PLCB1: variants seen among roughly 807,000 people sequenced by gnomAD.
PLCB1 encodes the protein phospholipase C beta 1, also known as 1-phosphatidylinositol 4,5-bisphosphate phosphodiesterase beta-1.
Under a neutral mutation model 161.8 loss-of-function variants are expected in PLCB1, and 46 were observed. The ratio of observed to expected loss-of-function variants is 0.28; its 90% CI spans 0.22 to 0.36. The LOEUF is 0.36. Among genes scored for constraint, PLCB1 ranks in the 10% least tolerant of loss-of-function variants. PLCB1 has a pLI of 1.00. For missense variants in PLCB1, 1,016 were observed against 1,472.5 expected (o/e 0.69, Z 5.07); for synonymous variants, 517 against 503.7 (o/e 1.03, Z -0.35).
chr20:8,649,500 C>T lies in PLCB1; in HGVS notation c.594+51C>T, dbSNP rs777645311. The T allele has an allele frequency of 6.3e-6, 8 of 1,276,232 alleles. No homozygotes were observed. In the South Asian group the frequency reaches 9.5e-5, roughly 15 times the overall value. 79.1% of individuals were successfully genotyped at this position (1,276,232 alleles called of 1,614,324 possible). On this transcript the variant is annotated intron_variant, in intron 7 of 31. Transcript: ENST00000338037. ...TTGAATGTTCAGCCCCTCCAAAACT[C>T]ATGTTGAAACTTAATCCCCAATATG...
At chr20:8,516,830 A>G (rs1316176459) in intron 3 of PLCB1, among the ~76,000 whole-genome samples, 1 of 151,744 alleles carries the variant, frequency 6.6e-6, no homozygotes, top group African/African-American at 2.4e-5. Context: ...TTCACTCAAC[A>G]AGAAAACCAT....
intron 2 of PLCB1, among the ~76,000 whole-genome samples, chr20:8,195,363 G>T (rs2052010585): frequency 6.6e-6 from 1 of 151,990 alleles, no homozygotes; most frequent in South Asian, 2.1e-4. Flanking sequence ...TAGGGCATGG[G>T]GGCAGAGCCC....
intron 23 of PLCB1, among the ~76,000 whole-genome samples, chr20:8,748,392 A>G (rs2123539924): frequency 6.6e-6 from 1 of 152,316 alleles, no homozygotes; most frequent in Middle Eastern, 3.4e-3. Flanking sequence ...GTCTTTTTAA[A>G]TATGTATCAA....
chr20:8,795,896 A>AAAAGC (rs1568602916), intron 31 of PLCB1, among the ~76,000 whole-genome samples: 1 of 150,162 alleles, frequency 6.7e-6, no homozygotes, highest in African/African-American at 2.5e-5. Flanking sequence ...AAAAAAAAAG[A>AAAAGC]AAAGAAAACA....
chr20:8,674,706 G>A (rs1025903735), intron 9 of PLCB1, among the ~76,000 whole-genome samples: 1 of 152,156 alleles, frequency 6.6e-6, no homozygotes, highest in Non-Finnish European at 1.5e-5. Context: ...CATCAGGCTT[G>A]TCTGCGGTTT....
chr20:8,503,000 A>G (rs1983486995), intron 3 of PLCB1, among the ~76,000 whole-genome samples: 1 of 152,140 alleles, frequency 6.6e-6, no homozygotes, highest in African/African-American at 2.4e-5. Flanking sequence ...AGAAGTAGGG[A>G]ATATATGATC....
chr20:8,815,988 A>G (rs908734548), intron 31 of PLCB1, among the ~76,000 whole-genome samples: 2 of 152,226 alleles, frequency 1.3e-5, no homozygotes, highest in Non-Finnish European at 2.9e-5. Flanking sequence ...AGATTCCTGG[A>G]AGTGATATTT....
At chr20:8,715,082 A>T (rs1233522658) in intron 12 of PLCB1, among the ~76,000 whole-genome samples, 1 of 152,220 alleles carries the variant, frequency 6.6e-6, no homozygotes, top group East Asian at 1.9e-4. Context: ...TTCTTAGTAC[A>T]GTCACAGTCC....
intron 31 of PLCB1, among the ~76,000 whole-genome samples, chr20:8,875,988 G>A (rs1191572602): frequency 6.6e-6 from 1 of 152,072 alleles, no homozygotes; most frequent in Non-Finnish European, 1.5e-5. Flanking sequence ...GTCAGAGTCA[G>A]AAAAGCATCC....
intron 2 of PLCB1, among the ~76,000 whole-genome samples, chr20:8,151,772 G>A (rs2051511133): frequency 6.6e-6 from 1 of 151,972 alleles, no homozygotes; most frequent in Admixed American, 6.6e-5. Flanking sequence ...CTAAACGTTG[G>A]GTATTTGTAC....
chr20:8,876,236 TAAC>T (rs1191968019), intron 31 of PLCB1, among the ~76,000 whole-genome samples: 11 of 152,320 alleles, frequency 7.2e-5, no homozygotes, highest in African/African-American at 2.2e-4. Context: ...AGTATAATAA[TAAC>T]AACTCATCTT....
Position 8,247,641 on chromosome 20 carries a change from A to AACACACAC in PLCB1, c.177+97289_177+97296dup, listed in dbSNP as rs113727213. On this transcript the variant is annotated intron_variant, in intron 2 of 31. Transcript: ENST00000338037. ...CAGCACACACACACACATACACGCA[A>AACACACAC]ACACACACACACACACACACACACA... 7.8e-3 allele frequency among the ~76,000 whole-genome samples: 1,151 copies of AACACACAC among 147,340 alleles called. 13 individuals carry two copies. Among genetic ancestry groups the AACACACAC allele is most frequent in the African/African-American group, 0.025 (1,025 of 40,504 alleles).
rs1979706636 is a variant in PLCB1, at chr20:8,722,551, T to A, written c.1581+130T>A. On this transcript the variant is annotated intron_variant, in intron 15 of 31. Transcript: ENST00000338037. The stretch of plus-strand genomic sequence containing the variant: ...GTGCCTTCCAATTGCCAGCTTCAAT[T>A]TTTGAGGCAATTAAATGGCTTATGA... 25 of 529,724 alleles carry A rather than the reference T, an allele frequency of 4.7e-5. No individual in the cohort carries two copies. In the South Asian group the frequency reaches 1.1e-3, roughly 24 times the overall value. The allele number at this position is 529,724 out of a possible 1,614,324, so 32.8% of individuals were successfully genotyped here.
chr20:8,273,295 A>G (rs1010217326), intron 2 of PLCB1, among the ~76,000 whole-genome samples: 5 of 152,186 alleles, frequency 3.3e-5, no homozygotes, highest in Admixed American at 6.6e-5. Flanking sequence ...TTTTCATTTC[A>G]TTAATATTAA....
chr20:8,460,552 A>T (rs1981532432), intron 3 of PLCB1, among the ~76,000 whole-genome samples: 1 of 152,242 alleles, frequency 6.6e-6, no homozygotes, highest in Non-Finnish European at 1.5e-5. Flanking sequence ...AATATAGGCA[A>T]AGTTTCTGTG....
At chr20:8,229,938 C>T (rs1979922377) in intron 2 of PLCB1, among the ~76,000 whole-genome samples, 1 of 150,036 alleles carries the variant, frequency 6.7e-6, no homozygotes, top group Non-Finnish European at 1.5e-5. Context: ...CACTTGTAGT[C>T]CCAGCTACCT....
intron 2 of PLCB1, among the ~76,000 whole-genome samples, chr20:8,359,304 TTA>T (rs1986464040): frequency 6.6e-6 from 1 of 152,208 alleles, no homozygotes; most frequent in Non-Finnish European, 1.5e-5. Context: ...ATAAAATGAA[TTA>T]TGTTTATCAA....
At chr20:8,155,462 G>A (rs1453690624) in intron 2 of PLCB1, among the ~76,000 whole-genome samples, 2 of 152,104 alleles carry the variant, frequency 1.3e-5, no homozygotes, top group Admixed American at 1.3e-4. Flanking sequence ...TTTCTACAGA[G>A]TTCAAAAGCA....
intron 3 of PLCB1, 117 bp from the exon 4 acceptor site, chr20:8,628,177 A>G (rs952252856): frequency 1.3e-5 from 10 of 796,882 alleles, no homozygotes; most frequent in Non-Finnish European, 2.0e-5. Flanking sequence ...ACAATTTTCT[A>G]GTAAGAATAA....
Sources: gnomAD v4.1 joint callset for allele counts (sites outside exome capture counted in the v4.1 genomes callset) on GRCh38, gnomAD v4.1.1 for gene constraint, MANE v1.5 for transcripts, NCBI Gene and HGNC (gene_info 2026-07-23, HGNC 2026-07-21) for gene names.